WWOX: variants seen among roughly 807,000 people sequenced by gnomAD.
The protein encoded by WWOX is WW domain-containing oxidoreductase.
WWOX carries 69 observed loss-of-function variants against 46.2 expected under a neutral mutation model. The ratio of observed to expected loss-of-function variants is 1.49; its 90% confidence interval spans 1.23 to 1.82. The LOEUF (loss-of-function observed/expected upper bound fraction) is 1.82, where lower values mean the gene tolerates loss of function less well. Ranked by LOEUF, WWOX falls within the 40% of genes most tolerant of loss-of-function variation. The pLI, the probability that WWOX is intolerant of heterozygous loss-of-function variation, is 0.00. For missense variants in WWOX, 919 were observed against 542.6 expected (o/e 1.69, Z -6.89); for synonymous variants, 359 against 202.6 (o/e 1.77, Z -6.56).
intron 8 of WWOX, among the ~76,000 whole-genome samples, chr16:78,934,669 G>C (rs1411845114): frequency 6.6e-6 from 1 of 152,118 alleles, no homozygotes; most frequent in Non-Finnish European, 1.5e-5. Context: ...AGGATCTTCA[G>C]GATCTTCAGT....
At chr16:78,709,888 G>A (rs775466032) in intron 8 of WWOX, among the ~76,000 whole-genome samples, 5 of 151,838 alleles carry the variant, frequency 3.3e-5, no homozygotes, top group African/African-American at 4.8e-5. Context: ...GCCACCCGAC[G>A]CCCAGCTAAT....
chr16:78,325,712 T>G (rs1282095902), intron 5 of WWOX, among the ~76,000 whole-genome samples: 2 of 152,224 alleles, frequency 1.3e-5, no homozygotes, highest in Non-Finnish European at 2.9e-5. Flanking sequence ...TCACCCTGTG[T>G]TTTTCATGGG....
chr16:78,912,985 A>G (rs1429347917), intron 8 of WWOX, among the ~76,000 whole-genome samples: 1 of 152,034 alleles, frequency 6.6e-6, no homozygotes, highest in Non-Finnish European at 1.5e-5. Context: ...TCGGCATCCC[A>G]GAAGGATGAT....
intron 8 of WWOX, among the ~76,000 whole-genome samples, chr16:78,840,944 G>A (rs2052125234): frequency 6.6e-6 from 1 of 151,934 alleles, no homozygotes; most frequent in African/African-American, 2.4e-5. Flanking sequence ...CAGTGGAGGG[G>A]GCATTTTGGA....
chr16:78,279,262 G>T (rs1048235237), intron 5 of WWOX, among the ~76,000 whole-genome samples: 7 of 152,236 alleles, frequency 4.6e-5, no homozygotes, highest in Admixed American at 2.6e-4. Context: ...GTCTTGAAAA[G>T]AGTGTGTGTG....
intron 8 of WWOX, among the ~76,000 whole-genome samples, chr16:79,065,843 A>C (rs1247406346): frequency 1.4e-5 from 2 of 145,146 alleles, no homozygotes; most frequent in Non-Finnish European, 3.0e-5. Flanking sequence ...AGCAAGATGG[A>C]GTCAGCTATG....
chr16:78,398,753 T>A (rs1277588312), intron 6 of WWOX, among the ~76,000 whole-genome samples: 1 of 152,226 alleles, frequency 6.6e-6, no homozygotes, highest in Non-Finnish European at 1.5e-5. Context: ...TAATTCTTAA[T>A]TTCATCAGCA....
At chr16:78,455,408 A>C (rs1282753811) in intron 8 of WWOX, among the ~76,000 whole-genome samples, 2 of 152,122 alleles carry the variant, frequency 1.3e-5, no homozygotes, top group African/African-American at 4.8e-5. Flanking sequence ...TGGGAGGCCA[A>C]GGTGGACGGA....
chr16:79,209,952 C>T (rs143011185), intron 8 of WWOX, among the ~76,000 whole-genome samples: 2 of 152,316 alleles, frequency 1.3e-5, no homozygotes, highest in South Asian at 2.1e-4. Context: ...ACAGCTGAAT[C>T]CAGGATAATA....
At chr16:78,823,197 G>A (rs920789245) in intron 8 of WWOX, among the ~76,000 whole-genome samples, 1 of 152,200 alleles carries the variant, frequency 6.6e-6, no homozygotes, top group South Asian at 2.1e-4. Flanking sequence ...TGGTGGAAAC[G>A]GTCACAGGGT....
At chr16:78,250,645 T>G (rs2037959795) in intron 5 of WWOX, among the ~76,000 whole-genome samples, 1 of 152,036 alleles carries the variant, frequency 6.6e-6, no homozygotes, top group African/African-American at 2.4e-5. Flanking sequence ...ACATGGGGTT[T>G]TATTAGGAGG....
chr16:78,775,682 G>C (rs1363392768), intron 8 of WWOX, among the ~76,000 whole-genome samples: 2 of 152,122 alleles, frequency 1.3e-5, no homozygotes, highest in Admixed American at 6.5e-5. Flanking sequence ...AATATGGTGC[G>C]AGCAATGGTT....
intron 8 of WWOX, among the ~76,000 whole-genome samples, chr16:79,047,845 A>C (rs543366707): frequency 1.3e-5 from 2 of 152,034 alleles, no homozygotes; most frequent in East Asian, 3.9e-4. Flanking sequence ...GTCCTGCATG[A>C]ATGAAGGAAA....
intron 6 of WWOX, among the ~76,000 whole-genome samples, chr16:78,413,803 T>G (rs1338871125): frequency 6.6e-6 from 1 of 152,016 alleles, no homozygotes; most frequent in Non-Finnish European, 1.5e-5. Context: ...TTGGCAGGTC[T>G]GCATGGGGCC....
At position 78,636,025 on chromosome 16, in the gene WWOX, C is replaced by T. The variant is rs911368922; in HGVS notation, c.1056+203273C>T. On this transcript the variant is annotated intron_variant, in intron 8 of 8. Coordinates refer to ENST00000566780, the MANE Select transcript of WWOX (RefSeq NM_016373.4). ...TCCTGCCAACACGAAGGTAGATGGA[C>T]GGTCCTTATGCTCGCTGCGGAACAC... 1.4e-4 allele frequency among the ~76,000 whole-genome samples: 21 copies of T among 152,268 alleles called. 1 individual carries two copies. Among genetic ancestry groups the T allele is most frequent in the Admixed American group, 9.8e-4 (15 of 15,294 alleles).
intron 8 of WWOX, among the ~76,000 whole-genome samples, chr16:79,028,076 G>A (rs370815442): frequency 6.6e-6 from 1 of 151,500 alleles, no homozygotes; most frequent in African/African-American, 2.4e-5. Context: ...TCTGCCTCCC[G>A]AGTAGCTGAG....
chr16:78,760,901 C>T (rs999965152), intron 8 of WWOX, among the ~76,000 whole-genome samples: 1 of 152,176 alleles, frequency 6.6e-6, no homozygotes, highest in Non-Finnish European at 1.5e-5. Context: ...GGGAAAGGCG[C>T]ATCTCACGTG....
chr16:79,027,359 A>T (rs1438239282), intron 8 of WWOX, among the ~76,000 whole-genome samples: 2 of 151,578 alleles, frequency 1.3e-5, no homozygotes, highest in Non-Finnish European at 2.9e-5. Flanking sequence ...TTCATTGCAA[A>T]ATGAAAATTC....
rs148931256 is a variant in WWOX at position 78,778,495 on chromosome 16, G to T, written c.1056+345743G>T. ...TGTTCAGGCTGTAATCCTGGTCTCAGTATGACTGTGAGGACGGGGCCAAGT... is the reference window on the plus strand; with the variant it reads ...TGTTCAGGCTGTAATCCTGGTCTCATTATGACTGTGAGGACGGGGCCAAGT... On this transcript the variant is annotated intron_variant, in intron 8 of 8. Coordinates refer to ENST00000566780, the MANE Select transcript of WWOX (RefSeq NM_016373.4). Among the ~76,000 whole-genome samples the T allele has an allele frequency of 4.0e-3, 606 of 152,324 alleles. 1 individual carries two copies. The highest frequency in any genetic ancestry group is 5.1e-3 in the Non-Finnish European group (348 of 68,028).
Sources: allele counts gnomAD v4.1 joint callset (sites outside exome capture counted in the v4.1 genomes callset), GRCh38; gene constraint gnomAD v4.1.1; transcripts MANE v1.5; gene names NCBI Gene and HGNC (gene_info 2026-07-23, HGNC 2026-07-21).